Variants in UGT1A10 observed in about 807,000 individuals in gnomAD.
UGT1A10 encodes UDP glucuronosyltransferase family 1 member A10.
A neutral mutation model predicts 45.8 loss-of-function variants in UGT1A10; 49 were observed. That is an observed-to-expected ratio of 1.07 (90% confidence interval 0.85 to 1.36). The LOEUF (loss-of-function observed/expected upper bound fraction) is 1.36. UGT1A10 is among the 40% of genes most tolerant of loss of function. The pLI is 0.00. For missense variants in UGT1A10, 745 were observed against 668.6 expected (o/e 1.11, Z -1.26); for synonymous variants, 284 against 249.7 (o/e 1.14, Z -1.29).
rs1319109473 is a variant in UGT1A10, at chr2:233,724,136, C to T, written c.856-42898C>T. On this transcript the variant is annotated intron_variant, in intron 1 of 4. Coordinates refer to ENST00000344644, the MANE Select transcript of UGT1A10 (RefSeq NM_019075.4). ...GCAGAGGCGCCCCTCACCTCCCGGA[C>T]GGGGCGGCTGGCCGGGTGGGGGGGC... Among the ~76,000 whole-genome samples, 110 of 111,694 alleles carry T rather than the reference C, an allele frequency of 9.8e-4. 3 individuals carry two copies. Among genetic ancestry groups the T allele is most frequent in the Middle Eastern group, 4.2e-3 (1 of 236 alleles). 73.3% of individuals were successfully genotyped at this position (111,694 alleles called of 152,430 possible).
chr2:233,733,678 C>G (rs2078428487), intron 1 of UGT1A10, among the ~76,000 whole-genome samples: 1 of 152,188 alleles, frequency 6.6e-6, no homozygotes, highest in Non-Finnish European at 1.5e-5. Flanking sequence ...TGTGGATAAA[C>G]TTTTTGATGT....
In UGT1A10 at chr2:233,636,561, T is replaced by A; in HGVS notation, c.39T>A (p.Cys13Ter). ...GGTGGACCAGCCCCGTTCCTTTATGTGTGTGTCTACTGCTGACCTGTGGCT... is the reference window on the plus strand; with the variant it reads ...GGTGGACCAGCCCCGTTCCTTTATGAGTGTGTCTACTGCTGACCTGTGGCT... ...RAGWTSPVPL[C>*]VCLLLTCGFA... is the part of the protein sequence containing the mutation. The change falls in exon 1 of 5, where the codon TGT becomes TGA. Residue 13 changes from cysteine (C) to a stop codon, truncating the protein, a stop_gained. Coordinates refer to ENST00000344644, the MANE Select transcript of UGT1A10 (RefSeq NM_019075.4). LOFTEE classifies it high-confidence loss of function. The A allele has an allele frequency of 6.2e-7, 1 of 1,614,156 alleles. No homozygotes were observed. Among genetic ancestry groups the A allele is most frequent in the Non-Finnish European group, 8.5e-7 (1 of 1,180,008 alleles).
chr2:233,648,253 T>A, intron 1 of UGT1A10: 3 of 609,636 alleles, frequency 4.9e-6, no homozygotes, highest in Non-Finnish European at 8.6e-6. Context: ...AAAGGAGAGT[T>A]CTTTTGATGC....
intron 1 of UGT1A10, among the ~76,000 whole-genome samples, chr2:233,662,817 G>A (rs1480087729): frequency 7.2e-6 from 1 of 139,370 alleles, no homozygotes; most frequent in African/African-American, 2.6e-5. Flanking sequence ...TTTGCTGAGA[G>A]TTTTTTTTTT....
In UGT1A10 at chr2:233,636,861, C is replaced by A. The variant is rs746199187; in HGVS notation, c.339C>A (p.Ser113=). 6.2e-7 allele frequency: 1 copy of A among 1,614,016 alleles called. No individual in the cohort carries two copies. The highest frequency in any genetic ancestry group is 1.3e-5 in the African/African-American group (1 of 74,892). The change falls in exon 1 of 5, where the codon TCC becomes TCA. Residue 113 remains serine (S), a synonymous_variant. Coordinates refer to ENST00000344644, the MANE Select transcript of UGT1A10 (RefSeq NM_019075.4). ...QSIFSLLMSS[S]SGFLDLFFSH... ...TATTTTCTCTATTAATGAGTTCATC[C>A]AGTGGTTTTCTTGACTTATTTTTTT...
intron 1 of UGT1A10, among the ~76,000 whole-genome samples, chr2:233,674,259 AG>A (rs1479149189): frequency 6.6e-6 from 1 of 152,220 alleles, no homozygotes; most frequent in Non-Finnish European, 1.5e-5. Context: ...AAAAAGCAGG[AG>A]GACTACAGTT....
At chr2:233,733,027 T>A (rs2078348048) in intron 1 of UGT1A10, among the ~76,000 whole-genome samples, 1 of 152,200 alleles carries the variant, frequency 6.6e-6, no homozygotes, top group Non-Finnish European at 1.5e-5. Context: ...GTCCTTCACA[T>A]CCCTTTTAAG....
intron 1 of UGT1A10, among the ~76,000 whole-genome samples, chr2:233,697,370 G>C (rs1402233705): frequency 2.6e-5 from 4 of 152,046 alleles, no homozygotes; most frequent in Non-Finnish European, 2.9e-5. Context: ...GGCATATAGA[G>C]TTCACAATAA....
At chr2:233,749,249 T>C (rs1694152253) in intron 1 of UGT1A10, among the ~76,000 whole-genome samples, 1 of 151,932 alleles carries the variant, frequency 6.6e-6, no homozygotes, top group Non-Finnish European at 1.5e-5. Flanking sequence ...AACCACATGA[T>C]TTTTTTATTG....
intron 1 of UGT1A10, among the ~76,000 whole-genome samples, chr2:233,759,843 C>CA (rs1240131722): frequency 1.3e-5 from 2 of 152,184 alleles, no homozygotes; most frequent in African/African-American, 4.8e-5. Flanking sequence ...GGCACTCTTA[C>CA]AGGTTTCCAT....
At position 233,772,698 on chromosome 2, in the gene UGT1A10, A is replaced by C; in HGVS notation, c.*139A>C. Reference sequence around the variant, plus strand: ...AATTAATCAGCCCCAGAGTGCTTTAAAAAATTCTCTTAAATAAAAATAATA... The same window carrying C: ...AATTAATCAGCCCCAGAGTGCTTTACAAAATTCTCTTAAATAAAAATAATA... On this transcript the variant is annotated 3_prime_UTR_variant, in exon 5 of 5. Coordinates refer to ENST00000344644, the MANE Select transcript of UGT1A10 (RefSeq NM_019075.4). 6.7e-7 allele frequency: 1 copy of C among 1,482,372 alleles called. No homozygotes were observed. The highest frequency in any genetic ancestry group is 1.4e-5 in the African/African-American group (1 of 70,578). The allele number at this position is 1,482,372 out of a possible 1,614,324, so 91.8% of individuals were successfully genotyped here. A position where few individuals can be genotyped will look rare whatever the true frequency, so the allele number is the denominator to read the frequency against.
At position 233,769,699 on chromosome 2, in the gene UGT1A10, A is replaced by G. The variant is rs1699920777; in HGVS notation, c.1295+1260A>G. On this transcript the variant is annotated intron_variant, in intron 4 of 4. Transcript: ENST00000344644. The surrounding 1 kb of genome is among the most constrained non-coding windows in gnomAD (Gnocchi z 4.4). ...TGTGTGTGGTGGCACTGGATAAAAG[A>G]TCAATGTTGGCTAGGCACCATGGCA... 4 of 1,529,942 alleles carry G rather than the reference A, an allele frequency of 2.6e-6. No individual in the cohort carries two copies. The South Asian group carries it at 3.8e-5, about 14-fold the overall frequency. 94.8% of individuals were successfully genotyped at this position (1,529,942 alleles called of 1,614,324 possible). A position where few individuals can be genotyped will look rare whatever the true frequency, so the allele number is the denominator to read the frequency against.
At chr2:233,672,009 A>G (rs1442361426) in intron 1 of UGT1A10, 1 of 1,614,114 alleles carries the variant, frequency 6.2e-7, no homozygotes, top group Admixed American at 1.7e-5. Context: ...TTGCCGAGGC[A>G]GGGAAGCTAC....
At chr2:233,718,783 G>A (rs372445273) in intron 1 of UGT1A10, 52 of 1,612,928 alleles carry the variant, frequency 3.2e-5, no homozygotes, top group African/African-American at 1.5e-4. Flanking sequence ...CAGGCACAGC[G>A]TGGGGTGGAC....
At chr2:233,676,410 C>G (rs1036977236) in intron 1 of UGT1A10, among the ~76,000 whole-genome samples, 2 of 152,186 alleles carry the variant, frequency 1.3e-5, no homozygotes, top group African/African-American at 4.8e-5. Context: ...TACCCTGTGT[C>G]CAGTTTCCAC....
At chr2:233,702,441 A>T (rs897669442) in intron 1 of UGT1A10, among the ~76,000 whole-genome samples, 12 of 152,156 alleles carry the variant, frequency 7.9e-5, no homozygotes, top group Non-Finnish European at 1.5e-4. Flanking sequence ...TCTAATAAGG[A>T]TAACATTTAT....
At chr2:233,678,114 A>G (rs1006666579) in intron 1 of UGT1A10, among the ~76,000 whole-genome samples, 8 of 152,192 alleles carry the variant, frequency 5.3e-5, no homozygotes, top group African/African-American at 1.9e-4. Flanking sequence ...GGAGCTAAAT[A>G]GTGGGTACTT....
chr2:233,643,784 G>C (rs2073525679), intron 1 of UGT1A10, among the ~76,000 whole-genome samples: 3 of 152,100 alleles, frequency 2.0e-5, no homozygotes, highest in East Asian at 1.9e-4. Flanking sequence ...GCAGGACTGG[G>C]CCCTTTCTTT....
intron 1 of UGT1A10, among the ~76,000 whole-genome samples, chr2:233,679,033 T>G (rs1223695285): frequency 1.3e-5 from 2 of 152,234 alleles, no homozygotes; most frequent in Admixed American, 1.3e-4. Context: ...TTCTGGACTT[T>G]CATGACATTC....
Sources: allele counts gnomAD v4.1 joint callset (sites outside exome capture counted in the v4.1 genomes callset), GRCh38; gene constraint gnomAD v4.1.1; non-coding constraint Gnocchi (gnomAD v3.1); transcripts MANE v1.5; gene names NCBI Gene and HGNC (gene_info 2026-07-23, HGNC 2026-07-21).